Variants in RANBP2 observed in about 807,000 individuals in gnomAD.
The protein encoded by RANBP2 is RAN binding protein 2.
RANBP2 carries 57 observed loss-of-function variants against 303.6 expected under a neutral mutation model. The observed-to-expected ratio is 0.19, with a 90% CI of 0.15 to 0.23. The LOEUF (loss-of-function observed/expected upper bound fraction) is 0.23, where lower values mean the gene tolerates loss of function less well. Ranked by LOEUF, RANBP2 falls within the 10% of genes least tolerant of loss-of-function variation. The pLI is 1.00. For synonymous variants in RANBP2, 1,167 were observed against 1,301.5 expected (o/e 0.90, Z 2.23); for missense variants, 3,138 against 3,780.8 (o/e 0.83, Z 4.46).
chr2:109,667,893 G>GAGT, the RANBP2 span: 1 of 200,166 alleles, frequency 5.0e-6, no homozygotes, highest in South Asian at 1.3e-4. Context: ...CAAGCAGAAG[G>GAGT]AGAAGCTGAA....
At chr2:109,543,934 T>C in the RANBP2 span, 1,326 of 547,878 alleles carry the variant, frequency 2.4e-3, 12 homozygotes, top group African/African-American at 0.021. Context: ...CTTATACATA[T>C]AGCCTGAAAG....
At chr2:109,029,585 C>T in the RANBP2 span, among the ~76,000 whole-genome samples, 2 of 152,160 alleles carry the variant, frequency 1.3e-5, no homozygotes, top group African/African-American at 2.4e-5. Flanking sequence ...GTGTCCCTGC[C>T]GGGCAAACTT....
At chr2:109,649,599 T>C in the RANBP2 span, among the ~76,000 whole-genome samples, 1 of 152,242 alleles carries the variant, frequency 6.6e-6, no homozygotes, top group African/African-American at 2.4e-5. Flanking sequence ...GGTTTCACCA[T>C]GTTAGCCAGA....
At chr2:109,114,081 T>G in the RANBP2 span, among the ~76,000 whole-genome samples, 1 of 152,200 alleles carries the variant, frequency 6.6e-6, no homozygotes, top group African/African-American at 2.4e-5. Context: ...ATCAAGGATA[T>G]TGGTCTAAAA....
chr2:109,199,025 A>G, the RANBP2 span, among the ~76,000 whole-genome samples: 1 of 152,100 alleles, frequency 6.6e-6, no homozygotes, highest in African/African-American at 2.4e-5. Context: ...TGGTGGCCTT[A>G]AGCACCGTCT....
chr2:109,526,186 A>C, the RANBP2 span, among the ~76,000 whole-genome samples: 1 of 152,000 alleles, frequency 6.6e-6, no homozygotes, highest in South Asian at 2.1e-4. Flanking sequence ...CTCATCTGCC[A>C]CCCTCTGAGA....
the RANBP2 span, among the ~76,000 whole-genome samples, chr2:109,577,314 C>T: frequency 0.017 from 2,546 of 152,172 alleles, 69 homozygotes; most frequent in African/African-American, 0.058. Flanking sequence ...ATAGAGAACT[C>T]GGCCGGGCAT....
chr2:109,016,172 C>T, the RANBP2 span, among the ~76,000 whole-genome samples: 1 of 152,176 alleles, frequency 6.6e-6, no homozygotes, highest in East Asian at 1.9e-4. Flanking sequence ...AGCTCCGCCT[C>T]CCGGGTTCAC....
the RANBP2 span, among the ~76,000 whole-genome samples, chr2:109,470,600 G>A: frequency 1.3e-5 from 2 of 152,230 alleles, no homozygotes. Context: ...TCTGGAGGAG[G>A]ACAGGCAGTT....
the RANBP2 span, among the ~76,000 whole-genome samples, chr2:108,981,626 A>G: frequency 1.3e-5 from 2 of 151,486 alleles, no homozygotes; most frequent in East Asian, 1.9e-4. Flanking sequence ...CTATACCTAG[A>G]CCTCTGCTCG....
At chr2:109,282,060 T>C in the RANBP2 span, among the ~76,000 whole-genome samples, 1 of 152,048 alleles carries the variant, frequency 6.6e-6, no homozygotes, top group Non-Finnish European at 1.5e-5. Context: ...GCTGGTGGGA[T>C]ATGAGTGGGG....
chr2:109,774,693 TCTAA>T, the RANBP2 span, among the ~76,000 whole-genome samples: 3 of 47,660 alleles, frequency 6.3e-5, no homozygotes, highest in Admixed American at 3.9e-4. Context: ...CTAGTGGAAT[TCTAA>T]TTAAACAGGC....
At chr2:109,645,458 A>G in the RANBP2 span, among the ~76,000 whole-genome samples, 1 of 152,222 alleles carries the variant, frequency 6.6e-6, no homozygotes, top group Non-Finnish European at 1.5e-5. Context: ...GTCATTAGTA[A>G]GCGAAACTAC....
At chr2:109,547,084 T>G in the RANBP2 span, among the ~76,000 whole-genome samples, 1 of 152,146 alleles carries the variant, frequency 6.6e-6, no homozygotes, top group Non-Finnish European at 1.5e-5. Context: ...GAACAAAGGT[T>G]AACCACCAAA....
At chr2:109,082,387 G>A in the RANBP2 span, among the ~76,000 whole-genome samples, 4 of 152,004 alleles carry the variant, frequency 2.6e-5, no homozygotes, top group East Asian at 1.9e-4. Flanking sequence ...TGCAACCTCC[G>A]CTTCCCGGGT....
At chr2:108,876,928 G>A in the RANBP2 span, among the ~76,000 whole-genome samples, 1 of 152,208 alleles carries the variant, frequency 6.6e-6, no homozygotes, top group African/African-American at 2.4e-5. Flanking sequence ...GTGGCCACAG[G>A]TCTGGGTGAA....
the RANBP2 span, among the ~76,000 whole-genome samples, chr2:109,396,468 C>T: frequency 6.6e-6 from 1 of 152,250 alleles, no homozygotes; most frequent in African/African-American, 2.4e-5. Context: ...TGCAGCCACC[C>T]TGCTCCTGTG....
intron 1 of RANBP2, among the ~76,000 whole-genome samples, chr2:108,724,631 C>T (rs921499629): frequency 6.6e-6 from 1 of 151,828 alleles, no homozygotes; most frequent in African/African-American, 2.4e-5. Flanking sequence ...TTTCTTTGAC[C>T]ATTTCTTACC....
At chr2:109,326,059 G>A in the RANBP2 span, among the ~76,000 whole-genome samples, 2 of 152,224 alleles carry the variant, frequency 1.3e-5, no homozygotes, top group African/African-American at 4.8e-5. Flanking sequence ...CCCTCCAGGG[G>A]TATCCTGGGC....
Sources: gnomAD v4.1 joint callset for allele counts (sites outside exome capture counted in the v4.1 genomes callset) on GRCh38, gnomAD v4.1.1 for gene constraint, MANE v1.5 for transcripts, NCBI Gene and HGNC (gene_info 2026-07-23, HGNC 2026-07-21) for gene names.